The following UBN1 variants were observed in gnomAD, a reference collection of about 807,000 sequenced individuals.
The protein encoded by UBN1 is ubinuclein-1.
UBN1 carries 17 observed loss-of-function variants against 108.5 expected under a neutral mutation model. That is an observed-to-expected ratio of 0.16 (90% confidence interval 0.11 to 0.24). UBN1 has a LOEUF of 0.24. UBN1 is among the 10% of genes least tolerant of loss of function. The pLI is 1.00. For synonymous variants in UBN1, 726 were observed against 564.2 expected, an observed-to-expected ratio of 1.29 and a Z score of -4.07; for missense variants, 1,595 against 1,394.4, an observed-to-expected ratio of 1.14 and a Z score of -2.29.
At chr16:4,850,478 C>A (rs1447361653) in intron 1 of UBN1, among the ~76,000 whole-genome samples, 1 of 152,176 alleles carries the variant, frequency 6.6e-6, no homozygotes, top group East Asian at 1.9e-4. Flanking sequence ...CCGGTTCTAT[C>A]AGTGGGGGAA....
chr16:4,862,252 A>G (rs2087103010), intron 7 of UBN1, among the ~76,000 whole-genome samples: 1 of 152,238 alleles, frequency 6.6e-6, no homozygotes, highest in Non-Finnish European at 1.5e-5. Context: ...GGGCAGGGTA[A>G]ATTGTCAGCT....
intron 1 of UBN1, among the ~76,000 whole-genome samples, chr16:4,850,244 T>G (rs2058850906): frequency 6.6e-6 from 1 of 152,228 alleles, no homozygotes; most frequent in African/African-American, 2.4e-5. Flanking sequence ...CTTTATCCTG[T>G]AGTCCTATTT....
chr16:4,877,524 C>A lies in UBN1; in HGVS notation c.3355+50C>A. On this transcript the variant is annotated intron_variant, in intron 17 of 17. Coordinates refer to ENST00000262376, the MANE Select transcript of UBN1 (RefSeq NM_001079514.3). The surrounding 1 kb of genome is among the most constrained non-coding windows in gnomAD (Gnocchi z 4.3). Reference sequence around the variant, plus strand: ...CACGCGCACCGTGTGCCTTTGCCCTCTCCACCCCTAGGTGCTTTGCCGCTG... The same window carrying A: ...CACGCGCACCGTGTGCCTTTGCCCTATCCACCCCTAGGTGCTTTGCCGCTG... 6.5e-7 allele frequency: 1 copy of A among 1,546,640 alleles called. No homozygotes were observed. The highest frequency in any genetic ancestry group is 8.7e-7 in the Non-Finnish European group (1 of 1,148,002).
At chr16:4,853,588 C>T (rs1219034281) in intron 2 of UBN1, among the ~76,000 whole-genome samples, 14 of 149,762 alleles carry the variant, frequency 9.3e-5, no homozygotes, top group Admixed American at 1.3e-4. Flanking sequence ...GACCGAGTCT[C>T]GCCCTGTCGT....
intron 14 of UBN1, 43 bp downstream of exon 14, chr16:4,873,116 C>T: frequency 1.2e-6 from 2 of 1,612,656 alleles, no homozygotes; most frequent in Non-Finnish European, 1.7e-6. Flanking sequence ...ATGCCCATCT[C>T]CCTACAACTA....
chr16:4,880,840 GTTC>G lies in UBN1; in HGVS notation c.*712_*714del, dbSNP rs1422963423. ...TAAATGCATTGGATAGAAGGGGACT[GTTC>G]TTCACACATCATATTATAGGAAGAC... On this transcript the variant is annotated 3_prime_UTR_variant, in exon 18 of 18. Coordinates refer to ENST00000262376, the MANE Select transcript of UBN1 (RefSeq NM_001079514.3). 1 of 152,604 alleles carries G rather than the reference GTTC, an allele frequency of 6.6e-6. No individual in the cohort carries two copies. Among genetic ancestry groups the G allele is most frequent in the African/African-American group, 2.4e-5 (1 of 41,446 alleles). The allele number at this position is 152,604 out of a possible 1,614,324, so 9.5% of individuals were successfully genotyped here.
At position 4,881,110 on chromosome 16, in the gene UBN1, A is replaced by G. The variant is rs1289258562; in HGVS notation, c.*978A>G. 1.3e-5 allele frequency: 2 copies of G among 152,554 alleles called. No homozygotes were observed. Among genetic ancestry groups the G allele is most frequent in the East Asian group, 3.9e-4 (2 of 5,194 alleles). 9.5% of individuals were successfully genotyped at this position (152,554 alleles called of 1,614,324 possible). On this transcript the variant is annotated 3_prime_UTR_variant, in exon 18 of 18. Transcript: ENST00000262376. ...CATTTTGTTTTTCCAGAGTTCGTGG[A>G]GGTGGACTGCAGAGCCCAGAGCCCT...
intron 15 of UBN1, 84 bp from the exon 16 acceptor site, chr16:4,876,787 A>C: frequency 4.0e-6 from 6 of 1,506,532 alleles, no homozygotes; most frequent in Non-Finnish European, 5.3e-6. Context: ...ACACACAAGG[A>C]GGATCCTTTG....
intron 12 of UBN1, chr16:4,872,246 C>G (rs2087679550): frequency 1.0e-6 from 1 of 985,346 alleles, no homozygotes. Flanking sequence ...CATGCTGGGT[C>G]ACTCCACATT....
intron 7 of UBN1, among the ~76,000 whole-genome samples, chr16:4,866,858 G>A (rs959383781): frequency 6.6e-6 from 1 of 152,212 alleles, no homozygotes; most frequent in African/African-American, 2.4e-5. Flanking sequence ...AAATGGACCC[G>A]ATAGATACGC....
chr16:4,865,164 A>C (rs1174498354), intron 7 of UBN1, among the ~76,000 whole-genome samples: 2 of 152,018 alleles, frequency 1.3e-5, no homozygotes, highest in Non-Finnish European at 2.9e-5. Flanking sequence ...TTTTTGGAAG[A>C]CTATCAGATA....
At chr16:4,852,721 T>G in intron 1 of UBN1, 158 bp from the exon 2 acceptor site, 1 of 751,566 alleles carries the variant, frequency 1.3e-6, no homozygotes, top group South Asian at 2.0e-5. Context: ...TGTGAAAAAA[T>G]TTTAGGATGA....
intron 1 of UBN1, among the ~76,000 whole-genome samples, chr16:4,849,724 C>G (rs1481898688): frequency 6.6e-6 from 1 of 151,536 alleles, no homozygotes; most frequent in African/African-American, 2.4e-5. Flanking sequence ...TCCTTAGTAG[C>G]CAAGACTACA....
intron 12 of UBN1, chr16:4,872,196 CA>C (rs1774423470): frequency 1.0e-6 from 1 of 985,348 alleles, no homozygotes; most frequent in African/African-American, 1.7e-5. Flanking sequence ...AGGCTGGACT[CA>C]TACGAAGAAC....
chr16:4,879,924 C>T (rs1236656011), intron 17 of UBN1, among the ~76,000 whole-genome samples, 159 bp from the exon 18 acceptor site: 1 of 152,168 alleles, frequency 6.6e-6, no homozygotes, highest in Non-Finnish European at 1.5e-5. Context: ...ACACGAATAA[C>T]TGCTGGCTGG....
In UBN1 at chr16:4,858,676, T is replaced by C; in HGVS notation, c.432+13T>C. ...TAACTCTGAGGCGGTAAGTAGTTACTGAAAATGCCGTGTCAGACCCACTGT... is the reference window on the plus strand; with the variant it reads ...TAACTCTGAGGCGGTAAGTAGTTACCGAAAATGCCGTGTCAGACCCACTGT... On this transcript the variant is annotated intron_variant, in intron 4 of 17. Transcript: ENST00000262376. 1 of 1,613,158 alleles carries C rather than the reference T, an allele frequency of 6.2e-7. No homozygotes were observed. Among genetic ancestry groups the C allele is most frequent in the Non-Finnish European group, 8.5e-7 (1 of 1,179,140 alleles).
At position 4,874,384 on chromosome 16, in the gene UBN1, G is replaced by A; in HGVS notation, c.1974G>A (p.Glu658=). 6.2e-7 allele frequency: 1 copy of A among 1,614,082 alleles called. No individual in the cohort carries two copies. The highest frequency in any genetic ancestry group is 8.5e-7 in the Non-Finnish European group (1 of 1,180,024). The change falls in exon 15 of 18, where the codon GAG becomes GAA. Residue 658 remains glutamate, a synonymous_variant. Transcript: ENST00000262376. ...GLANPPPVNL[E]DSLDEDLIRN... ...CTAACCCTCCTCCTGTCAACCTGGA[G>A]GACTCATTGGATGAAGACTTGATCC... is the stretch of plus-strand genomic sequence containing the variant.
At chr16:4,849,517 G>GA (rs879428843) in intron 1 of UBN1, among the ~76,000 whole-genome samples, 16 of 152,012 alleles carry the variant, frequency 1.1e-4, no homozygotes, top group South Asian at 2.1e-4. Flanking sequence ...AATTGCTGAG[G>GA]ATAACCAAGG....
chr16:4,860,060 A>G, intron 6 of UBN1, 92 bp downstream of exon 6: 1 of 1,538,256 alleles, frequency 6.5e-7, no homozygotes, highest in Non-Finnish European at 8.8e-7. Flanking sequence ...ACAGCTTCGG[A>G]AGAGGCAGCA....
Sources: gnomAD v4.1 joint callset for allele counts (sites outside exome capture counted in the v4.1 genomes callset) on GRCh38, gnomAD v4.1.1 for gene constraint, Gnocchi (gnomAD v3.1) non-coding constraint, MANE v1.5 for transcripts, NCBI Gene and HGNC (gene_info 2026-07-23, HGNC 2026-07-21) for gene names.